Variants in MICAL2 observed in about 807,000 individuals in gnomAD.
MICAL2 encodes microtubule associated monooxygenase, calponin and LIM domain containing 2.
A neutral mutation model predicts 127.3 loss-of-function variants in MICAL2; 77 were observed. The observed-to-expected ratio is 0.60, with a 90% CI of 0.50 to 0.73. The LOEUF (loss-of-function observed/expected upper bound fraction) is 0.73, where lower values mean the gene tolerates loss of function less well. Ranked by LOEUF, MICAL2 falls within the 30% of genes least tolerant of loss-of-function variation. The pLI is 0.00. For synonymous variants in MICAL2, 570 were observed against 551.1 expected (o/e 1.03, Z -0.48); for missense variants, 1,351 against 1,434.4 (o/e 0.94, Z 0.94).
chr11:12,158,320 T>C (rs1209662578), intron 2 of MICAL2, among the ~76,000 whole-genome samples: 1 of 152,242 alleles, frequency 6.6e-6, no homozygotes, highest in Non-Finnish European at 1.5e-5. Flanking sequence ...TGATGTTTCT[T>C]TTGCCCTTCC....
intron 2 of MICAL2, among the ~76,000 whole-genome samples, chr11:12,154,187 C>A (rs1165877294): frequency 6.6e-6 from 1 of 152,164 alleles, no homozygotes; most frequent in Admixed American, 6.5e-5. Flanking sequence ...TAGCCCTGAC[C>A]TGTTAACATT....
intron 26 of MICAL2, 76 bp downstream of exon 26, chr11:12,259,973 AG>A: frequency 6.4e-7 from 1 of 1,573,236 alleles, no homozygotes; most frequent in East Asian, 2.4e-5. Flanking sequence ...AACTGGATGC[AG>A]GGACTCCTGC....
chr11:12,111,559 C>T (rs1589944509), intron 1 of MICAL2, among the ~76,000 whole-genome samples: 1 of 152,202 alleles, frequency 6.6e-6, no homozygotes, highest in African/African-American at 2.4e-5. Flanking sequence ...GATGTGGAAA[C>T]CAGAGTAGTG....
intron 4 of MICAL2, among the ~76,000 whole-genome samples, chr11:12,206,895 C>A (rs2134147635): frequency 6.6e-6 from 1 of 152,294 alleles, no homozygotes; most frequent in South Asian, 2.1e-4. Flanking sequence ...TCCTGCTCCT[C>A]CCCTCATGCC....
chr11:12,149,911 A>G (rs1263121050), intron 2 of MICAL2, among the ~76,000 whole-genome samples: 1 of 152,052 alleles, frequency 6.6e-6, no homozygotes, highest in Non-Finnish European at 1.5e-5. Flanking sequence ...CAGAACCTTC[A>G]TTTTCAGGGG....
intron 26 of MICAL2, chr11:12,260,352 G>A (rs946491432): frequency 1.4e-5 from 20 of 1,386,574 alleles, no homozygotes; most frequent in African/African-American, 4.4e-5. Flanking sequence ...ATCTACTCAC[G>A]GTGCTAGGGC....
intron 1 of MICAL2, among the ~76,000 whole-genome samples, chr11:12,114,600 G>T (rs907736612): frequency 6.6e-6 from 1 of 152,150 alleles, no homozygotes; most frequent in Non-Finnish European, 1.5e-5. Flanking sequence ...AGCACTGAAC[G>T]CCGTGTCTGG....
At chr11:12,201,413 G>T (rs1853970302) in intron 3 of MICAL2, among the ~76,000 whole-genome samples, 1 of 151,284 alleles carries the variant, frequency 6.6e-6, no homozygotes, top group South Asian at 2.1e-4. Context: ...GTTTTTTTAA[G>T]ATAAGGTTTG....
chr11:12,178,158 T>G (rs6485544), intron 3 of MICAL2, among the ~76,000 whole-genome samples: 1 of 152,196 alleles, frequency 6.6e-6, no homozygotes, highest in Admixed American at 6.5e-5. Context: ...AAGCTGCCAT[T>G]AAGACCCAAA....
chr11:12,206,204 C>T (rs1854656857), intron 4 of MICAL2, among the ~76,000 whole-genome samples: 1 of 152,176 alleles, frequency 6.6e-6, no homozygotes, highest in African/African-American at 2.4e-5. Context: ...TCATCAAGTT[C>T]TCTTGGGGGG....
At chr11:12,251,341 T>C (rs1213195333) in intron 22 of MICAL2, among the ~76,000 whole-genome samples, 2 of 152,058 alleles carry the variant, frequency 1.3e-5, no homozygotes, top group Non-Finnish European at 2.9e-5. Flanking sequence ...TGTCAAGAAA[T>C]AGAAGATAAC....
downstream of MICAL2, among the ~76,000 whole-genome samples, chr11:12,296,459 A>C (rs1863986548): frequency 6.6e-6 from 1 of 150,956 alleles, no homozygotes; most frequent in Admixed American, 6.6e-5. Context: ...ATAAACTATT[A>C]AACTTTAGTT....
chr11:12,326,833 G>T (rs1864358533), intron 31 of MICAL2, among the ~76,000 whole-genome samples: 1 of 152,204 alleles, frequency 6.6e-6, no homozygotes, highest in Admixed American at 6.5e-5. Context: ...CAATCATTAT[G>T]CCACGGCCAT....
In MICAL2 at chr11:12,162,085, C is replaced by A; in HGVS notation, c.-71C>A. 1.9e-6 allele frequency: 3 copies of A among 1,593,562 alleles called. No individual in the cohort carries two copies. The highest frequency in any genetic ancestry group is 1.1e-5 in the South Asian group (1 of 87,970). On this transcript the variant is annotated 5_prime_UTR_variant, in exon 3 of 28. Coordinates refer to ENST00000683283, the MANE Select transcript of MICAL2 (RefSeq NM_001282663.2). ...CCTCCCCCTACTTTCACAGGTGTGA[C>A]GTTTCTCCAGATACTTCATGCTGTT... is the stretch of plus-strand genomic sequence containing the variant.
chr11:12,139,606 CA>C (rs1465470145), intron 2 of MICAL2, among the ~76,000 whole-genome samples: 2 of 152,164 alleles, frequency 1.3e-5, no homozygotes, highest in East Asian at 3.9e-4. Flanking sequence ...GGCAGGATGA[CA>C]AGGGGTTGAC....
chr11:12,188,742 T>C (rs940054000), intron 3 of MICAL2, among the ~76,000 whole-genome samples: 3 of 152,172 alleles, frequency 2.0e-5, no homozygotes, highest in Non-Finnish European at 4.4e-5. Flanking sequence ...TTTCAGAGCC[T>C]CCACTTCCTC....
At chr11:12,231,107 A>G (rs1271569620) in intron 15 of MICAL2, among the ~76,000 whole-genome samples, 1 of 152,214 alleles carries the variant, frequency 6.6e-6, no homozygotes, top group Non-Finnish European at 1.5e-5. Context: ...GGGCACACAC[A>G]CAGACATACA....
At chr11:12,220,095 T>G in intron 8 of MICAL2, 106 bp from the exon 9 acceptor site, 1 of 1,326,832 alleles carries the variant, frequency 7.5e-7, no homozygotes, top group Non-Finnish European at 1.0e-6. Context: ...CTTTTCTGAC[T>G]AGCCTCACTG....
At chr11:12,243,025 A>T in intron 20 of MICAL2, 1 of 347,616 alleles carries the variant, frequency 2.9e-6, no homozygotes, top group Non-Finnish European at 5.2e-6. Context: ...CGAGAAAGGC[A>T]TTACTATAAG....
Sources: gnomAD v4.1 joint callset for allele counts (sites outside exome capture counted in the v4.1 genomes callset) on GRCh38, gnomAD v4.1.1 for gene constraint, MANE v1.5 for transcripts, NCBI Gene and HGNC (gene_info 2026-07-23, HGNC 2026-07-21) for gene names.